NRXN3: variants seen among roughly 807,000 people sequenced by gnomAD.
The protein encoded by NRXN3 is neurexin 3, also known as neurexin III.
NRXN3 carries 32 observed loss-of-function variants against 137.6 expected under a neutral mutation model. The ratio of observed to expected loss-of-function variants is 0.23; its 90% CI spans 0.18 to 0.31. NRXN3 has a LOEUF of 0.31. NRXN3 is among the 10% of genes least tolerant of loss of function. NRXN3 has a pLI of 1.00. For synonymous variants in NRXN3, 798 were observed against 784.5 expected, an observed-to-expected ratio of 1.02 and a Z score of -0.29; for missense variants, 1,574 against 2,062.5, an observed-to-expected ratio of 0.76 and a Z score of 4.59.
intron 16 of NRXN3, among the ~76,000 whole-genome samples, chr14:79,478,724 C>G (rs555255313): frequency 1.6e-3 from 238 of 151,366 alleles, no homozygotes; most frequent in African/African-American, 5.3e-3. Flanking sequence ...TATTGGTATA[C>G]CTACCACTCA....
At chr14:78,896,178 T>G (rs1358373093) in intron 10 of NRXN3, among the ~76,000 whole-genome samples, 2 of 151,880 alleles carry the variant, frequency 1.3e-5, no homozygotes, top group Non-Finnish European at 2.9e-5. Flanking sequence ...AAACTAGGTA[T>G]GCTTGTGATA....
At chr14:78,515,319 A>G (rs934926377) in intron 4 of NRXN3, among the ~76,000 whole-genome samples, 1 of 152,130 alleles carries the variant, frequency 6.6e-6, no homozygotes, top group Non-Finnish European at 1.5e-5. Context: ...TGCTCTTTAC[A>G]TAGTCTCCCT....
At chr14:78,373,547 T>C (rs1459332150) in intron 4 of NRXN3, among the ~76,000 whole-genome samples, 1 of 152,198 alleles carries the variant, frequency 6.6e-6, no homozygotes, top group Non-Finnish European at 1.5e-5. Context: ...CTACAGCTGT[T>C]CATGGAGACA....
chr14:79,542,132 G>T (rs904675113), intron 16 of NRXN3, among the ~76,000 whole-genome samples: 5 of 152,164 alleles, frequency 3.3e-5, no homozygotes, highest in Non-Finnish European at 1.5e-5. Flanking sequence ...ATGTAGCTTT[G>T]TTTTGACTCA....
chr14:79,610,427 T>G (rs1280796052), intron 16 of NRXN3, among the ~76,000 whole-genome samples: 2 of 152,116 alleles, frequency 1.3e-5, no homozygotes, highest in African/African-American at 4.8e-5. Flanking sequence ...TTCCTGCAAC[T>G]AAGTTGTAAA....
At chr14:79,107,285 T>A (rs2052628981) in intron 15 of NRXN3, among the ~76,000 whole-genome samples, 2 of 152,092 alleles carry the variant, frequency 1.3e-5, no homozygotes, top group African/African-American at 4.8e-5. Context: ...TGGTCTTCTT[T>A]GAGGACATTG....
intron 4 of NRXN3, among the ~76,000 whole-genome samples, chr14:78,466,865 A>G (rs1370674735): frequency 1.3e-5 from 2 of 152,226 alleles, no homozygotes; most frequent in Non-Finnish European, 2.9e-5. Flanking sequence ...CAATATCATG[A>G]ATGATGAATA....
intron 4 of NRXN3, among the ~76,000 whole-genome samples, chr14:78,383,321 A>G (rs1461412101): frequency 2.0e-5 from 3 of 152,154 alleles, no homozygotes; most frequent in Non-Finnish European, 4.4e-5. Context: ...AACATGAGTA[A>G]TGGGAAATGC....
At chr14:79,718,885 G>C (rs1417997400) in intron 19 of NRXN3, among the ~76,000 whole-genome samples, 1 of 151,454 alleles carries the variant, frequency 6.6e-6, no homozygotes, top group Non-Finnish European at 1.5e-5. Context: ...AATGGTCTCT[G>C]TTCCTTCTGC....
chr14:79,119,805 T>G (rs75068752), intron 15 of NRXN3, among the ~76,000 whole-genome samples: 1 of 152,162 alleles, frequency 6.6e-6, no homozygotes, highest in South Asian at 2.1e-4. Flanking sequence ...TATTTACTGT[T>G]TTCTACTTAT....
intron 4 of NRXN3, among the ~76,000 whole-genome samples, chr14:78,397,162 G>T (rs539249728): frequency 6.6e-6 from 1 of 152,278 alleles, no homozygotes; most frequent in East Asian, 1.9e-4. Flanking sequence ...TATTTAACCT[G>T]CTTGCACTTT....
chr14:78,414,826 G>C (rs2093037996), intron 4 of NRXN3, among the ~76,000 whole-genome samples: 1 of 152,110 alleles, frequency 6.6e-6, no homozygotes, highest in Non-Finnish European at 1.5e-5. Context: ...TCTCGGAGGG[G>C]TAGAGAATAC....
intron 15 of NRXN3, among the ~76,000 whole-genome samples, chr14:79,229,002 C>T (rs1193095816): frequency 1.3e-5 from 2 of 152,116 alleles, no homozygotes; most frequent in East Asian, 3.9e-4. Flanking sequence ...TTCTTACAGA[C>T]TAACACACTA....
intron 6 of NRXN3, among the ~76,000 whole-genome samples, chr14:78,659,754 G>T (rs1352824953): frequency 6.6e-6 from 1 of 151,370 alleles, no homozygotes; most frequent in East Asian, 1.9e-4. Flanking sequence ...GCAATGTCGG[G>T]TGATTCAATT....
chr14:78,624,721 G>C (rs72683554), intron 4 of NRXN3, among the ~76,000 whole-genome samples: 9,281 of 152,280 alleles, frequency 0.061, 342 homozygotes, highest in Middle Eastern at 0.15. Flanking sequence ...GCCTGGGTCT[G>C]AGGTGATGGG....
intron 19 of NRXN3, among the ~76,000 whole-genome samples, chr14:79,746,195 T>C (rs952699694): frequency 3.3e-5 from 5 of 152,126 alleles, no homozygotes; most frequent in African/African-American, 1.2e-4. Context: ...TGAAACATAA[T>C]AATTGCTAGA....
intron 20 of NRXN3, among the ~76,000 whole-genome samples, chr14:79,840,516 T>C (rs2099353741): frequency 6.6e-6 from 1 of 152,184 alleles, no homozygotes; most frequent in Non-Finnish European, 1.5e-5. Flanking sequence ...GATTAGCTTG[T>C]TTGTAAGTTC....
intron 15 of NRXN3, among the ~76,000 whole-genome samples, chr14:79,107,293 T>C (rs994600528): frequency 4.6e-5 from 7 of 152,080 alleles, no homozygotes; most frequent in Non-Finnish European, 8.8e-5. Flanking sequence ...TTTGAGGACA[T>C]TGAAGTTGAG....
At chr14:78,658,974 T>C (rs551772480) in intron 6 of NRXN3, among the ~76,000 whole-genome samples, 84 of 152,322 alleles carry the variant, frequency 5.5e-4, no homozygotes, top group Admixed American at 1.2e-3. Flanking sequence ...GAGCTAACTA[T>C]TGGCTTGTCA....
Sources: gnomAD v4.1 joint callset for allele counts (sites outside exome capture counted in the v4.1 genomes callset) on GRCh38, gnomAD v4.1.1 for gene constraint, MANE v1.5 for transcripts, NCBI Gene and HGNC (gene_info 2026-07-23, HGNC 2026-07-21) for gene names.